ZNF33B: variants seen among roughly 807,000 people sequenced by gnomAD.
ZNF33B encodes the protein zinc finger protein 11b (KOX 2).
Under a neutral mutation model 45.8 loss-of-function variants are expected in ZNF33B, and 29 were observed. That is an observed-to-expected ratio of 0.63 (90% CI 0.47 to 0.86). The LOEUF is 0.86. Among genes scored for constraint, ZNF33B ranks in the 40% least tolerant of loss-of-function variants. The pLI is 0.00. For missense variants in ZNF33B, 831 were observed against 909.9 expected (o/e 0.91, Z 1.12); for synonymous variants, 305 against 307.8 (o/e 0.99, Z 0.10).
chr10:42,610,885 A>G (rs1448630053), intron 4 of ZNF33B, among the ~76,000 whole-genome samples: 1 of 152,246 alleles, frequency 6.6e-6, no homozygotes, highest in Non-Finnish European at 1.5e-5. Context: ...GAAGACATAC[A>G]CTTCTCAATT....
intron 1 of ZNF33B, chr10:42,581,765 T>C (rs1268616479): frequency 6.6e-6 from 1 of 152,218 alleles, no homozygotes; most frequent in Non-Finnish European, 1.5e-5. Context: ...TCTTTTAGGA[T>C]AGAATCCTTA....
chr10:42,594,371 A>G lies in ZNF33B; in HGVS notation c.579T>C (p.Val193=). The G allele has an allele frequency of 6.2e-7, 1 of 1,613,822 alleles. No individual in the cohort carries two copies. Among genetic ancestry groups the G allele is most frequent in the South Asian group, 1.1e-5 (1 of 91,040 alleles). The part of the protein sequence containing the change: ...DETHTREKNE[V]LKNRNTLSHR... ...GACTCAGAGTGTTCCTATTTTTCAA[A>G]ACTTCATTTTTCTCTCGAGTATGAG... Residue 193 remains valine (V), a synonymous_variant, in exon 5 of 5, where the codon GTT becomes GTC. Coordinates refer to ENST00000359467, the MANE Select transcript of ZNF33B (RefSeq NM_006955.3).
chr10:42,598,812 A>C (rs1246434076), intron 4 of ZNF33B, among the ~76,000 whole-genome samples: 1 of 152,154 alleles, frequency 6.6e-6, no homozygotes, highest in African/African-American at 2.4e-5. Context: ...AGTGTTTTTG[A>C]ATTTATGTTC....
chr10:42,613,160 T>C (rs558994219), intron 4 of ZNF33B, among the ~76,000 whole-genome samples: 1 of 152,324 alleles, frequency 6.6e-6, no homozygotes, highest in South Asian at 2.1e-4. Context: ...AAGTACTATA[T>C]TTTAGTTGAT....
intron 4 of ZNF33B, among the ~76,000 whole-genome samples, chr10:42,611,251 G>A (rs1417023089): frequency 6.6e-6 from 1 of 152,090 alleles, no homozygotes; most frequent in Non-Finnish European, 1.5e-5. Context: ...TGAGGCAGGA[G>A]AAATGCTTGA....
intron 1 of ZNF33B, chr10:42,583,103 G>C (rs770709247): frequency 3.8e-6 from 3 of 794,656 alleles, no homozygotes; most frequent in Non-Finnish European, 6.7e-6. Flanking sequence ...TCCAGGATCA[G>C]TGCATGAACA....
downstream of ZNF33B, among the ~76,000 whole-genome samples, chr10:42,587,524 C>A (rs138574934): frequency 2.0e-5 from 3 of 152,078 alleles, no homozygotes; most frequent in African/African-American, 7.2e-5. Flanking sequence ...CAAAGTGCTG[C>A]GATTTGTTGA....
chr10:42,608,653 G>C (rs1837966862), intron 4 of ZNF33B, among the ~76,000 whole-genome samples: 1 of 152,094 alleles, frequency 6.6e-6, no homozygotes, highest in Non-Finnish European at 1.5e-5. Context: ...TGCTTAGAGA[G>C]AGATTTGTAG....
intron 4 of ZNF33B, among the ~76,000 whole-genome samples, chr10:42,620,406 GATTT>G (rs1286364007): frequency 2.0e-5 from 3 of 151,698 alleles, no homozygotes; most frequent in Non-Finnish European, 4.4e-5. Flanking sequence ...GGATTTGATT[GATTT>G]ATTTATTTTT....
Position 42,592,559 on chromosome 10 carries a change from G to A in ZNF33B, c.*54C>T. ...AACAGGCCCTTCTCCACAGTGTGAA[G>A]ACTCTGAGGCATTATGGAGGCTGAC... On this transcript the variant is annotated 3_prime_UTR_variant, in exon 5 of 5. Coordinates refer to ENST00000359467, the MANE Select transcript of ZNF33B (RefSeq NM_006955.3). The A allele has an allele frequency of 2.6e-6, 4 of 1,568,458 alleles. No individual in the cohort carries two copies. In the South Asian group the frequency reaches 3.7e-5, roughly 14 times the overall value.
Position 42,596,299 on chromosome 10 carries a change from G to A in ZNF33B, c.251-1600C>T, listed in dbSNP as rs118058994. On this transcript the variant is annotated intron_variant, in intron 4 of 4. Transcript: ENST00000359467. ...AAAACATATCTTAATAAAACTACTA[G>A]ATGTTAAAATTGAAGAAAAAGTACT... 3.7e-3 allele frequency among the ~76,000 whole-genome samples: 569 copies of A among 152,060 alleles called. 2 individuals are homozygous for A. Among genetic ancestry groups the A allele is most frequent in the Middle Eastern group, 0.01 (3 of 294 alleles).
intron 2 of ZNF33B, among the ~76,000 whole-genome samples, chr10:42,633,472 G>C (rs1258384695): frequency 6.6e-6 from 1 of 152,156 alleles, no homozygotes; most frequent in Non-Finnish European, 1.5e-5. Context: ...TACTGTAGAA[G>C]AAACCAGGAT....
chr10:42,612,717 A>C (rs896466077), intron 4 of ZNF33B, among the ~76,000 whole-genome samples: 1 of 152,192 alleles, frequency 6.6e-6, no homozygotes, highest in Non-Finnish European at 1.5e-5. Flanking sequence ...TAGCCTTTTA[A>C]AAAAGTGTTA....
chr10:42,607,417 C>T (rs1004780163), intron 4 of ZNF33B, among the ~76,000 whole-genome samples: 1 of 152,026 alleles, frequency 6.6e-6, no homozygotes, highest in African/African-American at 2.4e-5. Flanking sequence ...TAAGAAATTA[C>T]CTGATGGGTG....
At chr10:42,602,709 T>C (rs890870730) in intron 4 of ZNF33B, among the ~76,000 whole-genome samples, 4 of 152,308 alleles carry the variant, frequency 2.6e-5, no homozygotes, top group Admixed American at 1.3e-4. Flanking sequence ...AGAAAAGACC[T>C]TTCTGAACAC....
At chr10:42,609,085 C>A (rs531865342) in intron 4 of ZNF33B, among the ~76,000 whole-genome samples, 4 of 152,070 alleles carry the variant, frequency 2.6e-5, no homozygotes, top group African/African-American at 9.6e-5. Flanking sequence ...CTGAAATGAC[C>A]TACACAAGTA....
At chr10:42,635,085 T>C (rs748218819) in intron 2 of ZNF33B, among the ~76,000 whole-genome samples, 1 of 151,932 alleles carries the variant, frequency 6.6e-6, no homozygotes, top group Non-Finnish European at 1.5e-5. Context: ...TCTATTAAAA[T>C]ACAAAATTAG....
chr10:42,580,552 T>G (rs572334424), intron 1 of ZNF33B, among the ~76,000 whole-genome samples: 32 of 152,018 alleles, frequency 2.1e-4, no homozygotes, highest in Admixed American at 7.9e-4. Context: ...CTAAGTGTTT[T>G]TATGTGGGCT....
exon 2 of ZNF33B, chr10:42,574,248 T>TAC (rs1439664312): frequency 6.7e-6 from 1 of 148,956 alleles, no homozygotes; most frequent in African/African-American, 2.5e-5. Flanking sequence ...TACCACCACC[T>TAC]ACAGCCTCTC....
Sources: gnomAD v4.1 joint callset for allele counts (sites outside exome capture counted in the v4.1 genomes callset) on GRCh38, gnomAD v4.1.1 for gene constraint, MANE v1.5 for transcripts, NCBI Gene and HGNC (gene_info 2026-07-23, HGNC 2026-07-21) for gene names.